The following TBC1D1 variants were observed in gnomAD, a reference collection of about 807,000 sequenced individuals.
The protein encoded by TBC1D1 is TBC1 (tre-2/USP6, BUB2, cdc16) domain family, member 1.
In TBC1D1, 89 loss-of-function variants were observed where a neutral mutation model predicts 125.6. The observed-to-expected ratio is 0.71, with a 90% CI of 0.60 to 0.85. TBC1D1 has a LOEUF of 0.85. Ranked by LOEUF, TBC1D1 falls within the 40% of genes least tolerant of loss-of-function variation. The pLI is 0.00. For missense variants in TBC1D1, 1,377 were observed against 1,469.2 expected, an observed-to-expected ratio of 0.94 and a Z score of 1.03; for synonymous variants, 565 against 564.1, an observed-to-expected ratio of 1.00 and a Z score of -0.02.
chr4:38,101,276 G>T (rs960099309), intron 14 of TBC1D1, among the ~76,000 whole-genome samples: 4 of 152,150 alleles, frequency 2.6e-5, no homozygotes, highest in African/African-American at 9.7e-5. Flanking sequence ...TTTTTTCCCG[G>T]ATGGAAAGAA....
intron 9 of TBC1D1, 86 bp from the exon 10 acceptor site, chr4:38,045,731 C>T (rs1749320058): frequency 1.1e-6 from 1 of 901,036 alleles, no homozygotes; most frequent in Admixed American, 2.0e-5. Context: ...TTTTCCTGAG[C>T]TTATTTAAAT....
In TBC1D1 at chr4:37,977,480, G is replaced by A. The variant is rs1426009802; in HGVS notation, c.418-37029G>A. On this transcript the variant is annotated intron_variant, in intron 2 of 19. Transcript: ENST00000261439. This position sits in a 1 kb window ranked among gnomAD's most constrained non-coding sequence, Gnocchi z 4.3. ...GAGTGAGCGGGAGCCGGCGGGCGAAGAGCCGCCGCCCGGCCCGCGATGTCA... is the reference window on the plus strand; with the variant it reads ...GAGTGAGCGGGAGCCGGCGGGCGAAAAGCCGCCGCCCGGCCCGCGATGTCA... The A allele has an allele frequency of 4.7e-5, 46 of 988,402 alleles. No homozygotes were observed. Among genetic ancestry groups the A allele is most frequent in the Middle Eastern group, 5.1e-4 (1 of 1,942 alleles). 61.2% of individuals were successfully genotyped at this position (988,402 alleles called of 1,614,324 possible).
intron 2 of TBC1D1, among the ~76,000 whole-genome samples, chr4:37,986,203 G>A (rs1407554833): frequency 6.6e-6 from 1 of 152,178 alleles, no homozygotes; most frequent in Non-Finnish European, 1.5e-5. Flanking sequence ...CATCTTGAAT[G>A]TAATTCCATT....
chr4:38,115,886 A>G lies in TBC1D1; in HGVS notation c.2734A>G (p.Met912Val), dbSNP rs1560256524. The change falls in exon 16 of 20, where the codon ATG becomes GTG. Residue 912 changes from methionine to valine, a missense_variant. By Grantham distance (21) the Met-to-Val change is conservative. Transcript: ENST00000261439. ...TATGAGTGAGGAAGAGGCGTTTAAA[A>G]TGCTCAAGTTTCTGATGTTTGACAT... 1.2e-6 allele frequency: 2 copies of G among 1,614,204 alleles called. No individual in the cohort carries two copies. Among genetic ancestry groups the G allele is most frequent in the Admixed American group, 1.7e-5 (1 of 60,028 alleles).
intron 2 of TBC1D1, among the ~76,000 whole-genome samples, chr4:37,971,155 G>C (rs567356004): frequency 6.6e-6 from 1 of 152,152 alleles, no homozygotes; most frequent in Non-Finnish European, 1.5e-5. Context: ...CAAGTCCTCC[G>C]TTAATGTCTC....
intron 14 of TBC1D1, among the ~76,000 whole-genome samples, chr4:38,099,211 TCAAAA>T (rs986311782): frequency 5.9e-5 from 9 of 152,070 alleles, no homozygotes; most frequent in East Asian, 1.9e-4. Context: ...TGTTTAATAG[TCAAAA>T]CAAAACAAAA....
intron 2 of TBC1D1, among the ~76,000 whole-genome samples, chr4:37,916,787 T>C (rs1183422033): frequency 6.6e-6 from 1 of 152,098 alleles, no homozygotes; most frequent in Non-Finnish European, 1.5e-5. Context: ...TGTTTAGTTT[T>C]CTTGAGACAG....
At chr4:37,978,279 T>G (rs1733651099) in intron 2 of TBC1D1, among the ~76,000 whole-genome samples, 1 of 152,180 alleles carries the variant, frequency 6.6e-6, no homozygotes, top group African/African-American at 2.4e-5. Context: ...GGTGTCTGAA[T>G]GTGTTTTAAA....
intron 19 of TBC1D1, 123 bp from the exon 22 acceptor site, chr4:38,137,012 G>A (rs549261327): frequency 2.0e-6 from 3 of 1,499,896 alleles, no homozygotes; most frequent in East Asian, 2.3e-5. Context: ...ATGATAAACT[G>A]TAGACTCATC....
chr4:38,099,722 C>T (rs994835270), intron 14 of TBC1D1, among the ~76,000 whole-genome samples: 1 of 152,194 alleles, frequency 6.6e-6, no homozygotes, highest in African/African-American at 2.4e-5. Context: ...CGTAGGTGGG[C>T]TCCACTGCCA....
intron 11 of TBC1D1, among the ~76,000 whole-genome samples, chr4:38,050,398 A>G (rs1236303881): frequency 6.6e-6 from 1 of 152,232 alleles, no homozygotes; most frequent in African/African-American, 2.4e-5. Context: ...CTGAATAACA[A>G]AATTGGAGTA....
intron 2 of TBC1D1, among the ~76,000 whole-genome samples, chr4:37,974,376 G>A (rs564476547): frequency 6.6e-6 from 1 of 152,174 alleles, no homozygotes; most frequent in East Asian, 1.9e-4. Context: ...GACTACAGGT[G>A]TGTGCCACTA....
At chr4:38,042,531 A>G (rs942232085) in intron 8 of TBC1D1, among the ~76,000 whole-genome samples, 1 of 152,188 alleles carries the variant, frequency 6.6e-6, no homozygotes, top group Non-Finnish European at 1.5e-5. Flanking sequence ...CTGGGATTAC[A>G]GGCATCAGCC....
At chr4:37,918,105 AT>A (rs1162160260) in intron 2 of TBC1D1, among the ~76,000 whole-genome samples, 2 of 152,180 alleles carry the variant, frequency 1.3e-5, no homozygotes, top group African/African-American at 2.4e-5. Flanking sequence ...CTGGAAGCAA[AT>A]TGTACATGCA....
At chr4:38,097,343 T>A (rs1436102627) in intron 14 of TBC1D1, among the ~76,000 whole-genome samples, 1 of 148,340 alleles carries the variant, frequency 6.7e-6, no homozygotes, top group Non-Finnish European at 1.5e-5. Flanking sequence ...TTTGTGGGTT[T>A]TTTTTTTTTT....
intron 2 of TBC1D1, among the ~76,000 whole-genome samples, chr4:37,920,202 G>T (rs186455696): frequency 1.3e-4 from 20 of 152,356 alleles, no homozygotes; most frequent in African/African-American, 4.8e-4. Flanking sequence ...CAAAAAGCCC[G>T]TGTCGTTGAA....
At chr4:37,911,863 G>A (rs1030892562) in intron 2 of TBC1D1, among the ~76,000 whole-genome samples, 1 of 152,194 alleles carries the variant, frequency 6.6e-6, no homozygotes, top group African/African-American at 2.4e-5. Flanking sequence ...TAGGAGGAGG[G>A]CTAGTGTAAT....
At chr4:37,925,900 A>G (rs1722008848) in intron 2 of TBC1D1, among the ~76,000 whole-genome samples, 2 of 152,322 alleles carry the variant, frequency 1.3e-5, no homozygotes, top group South Asian at 2.1e-4. Context: ...TCAATAAAAC[A>G]AAAGAGAGAA....
At chr4:37,948,156 C>T (rs780753917) in intron 2 of TBC1D1, among the ~76,000 whole-genome samples, 8 of 152,184 alleles carry the variant, frequency 5.3e-5, no homozygotes, top group East Asian at 1.9e-4. Context: ...GCTAGAAGAA[C>T]GGGCAGGTCC....
Sources: gnomAD v4.1 joint callset for allele counts (sites outside exome capture counted in the v4.1 genomes callset) on GRCh38, gnomAD v4.1.1 for gene constraint, Gnocchi (gnomAD v3.1) non-coding constraint, MANE v1.5 for transcripts, NCBI Gene and HGNC (gene_info 2026-07-23, HGNC 2026-07-21) for gene names.